Variants in LEKR1 observed in about 807,000 individuals in gnomAD.
The protein encoded by LEKR1 is leucine, glutamate and lysine rich 1.
LEKR1 carries 59 observed loss-of-function variants against 72.4 expected under a neutral mutation model. That is an observed-to-expected ratio of 0.82 (90% CI 0.66 to 1.01). LEKR1 has a LOEUF of 1.01. Ranked by LOEUF, LEKR1 falls within the 50% of genes least tolerant of loss-of-function variation. LEKR1 has a pLI of 0.00. For missense variants in LEKR1, 728 were observed against 759.2 expected (o/e 0.96, Z 0.48); for synonymous variants, 257 against 263.2 (o/e 0.98, Z 0.23).
intron 6 of LEKR1, among the ~76,000 whole-genome samples, chr3:156,956,909 C>G (rs1340882761): frequency 6.6e-6 from 1 of 151,930 alleles, no homozygotes; most frequent in Admixed American, 6.6e-5. Context: ...ATAATAAACA[C>G]AAAATGTTCA....
chr3:156,848,699 C>T (rs1714935788), intron 2 of LEKR1, among the ~76,000 whole-genome samples: 1 of 152,076 alleles, frequency 6.6e-6, no homozygotes, highest in African/African-American at 2.4e-5. Flanking sequence ...TGTGATATGA[C>T]ATGCTGTGGA....
Position 156,993,761 on chromosome 3 carries a change from A to T in LEKR1, c.1109+484A>T, listed in dbSNP as rs556981739. Among the ~76,000 whole-genome samples, 6 of 152,310 alleles carry T rather than the reference A, an allele frequency of 3.9e-5. No homozygotes were observed. In the South Asian group the frequency reaches 1.2e-3, roughly 32 times the overall value. ...GATACCTCCTTAGGTGGTATCGAGG[A>T]TACTAAGAAGTACATTGGTCCAGGC... On this transcript the variant is annotated intron_variant, in intron 9 of 12. Transcript: ENST00000356539.
chr3:156,834,558 A>G (rs190803249), intron 2 of LEKR1, among the ~76,000 whole-genome samples: 1 of 152,156 alleles, frequency 6.6e-6, no homozygotes, highest in Non-Finnish European at 1.5e-5. Flanking sequence ...ACTCTTAGTC[A>G]CTTTTATTTC....
At chr3:156,878,447 T>C (rs182005948) in intron 3 of LEKR1, among the ~76,000 whole-genome samples, 11 of 152,342 alleles carry the variant, frequency 7.2e-5, no homozygotes, top group African/African-American at 2.6e-4. Flanking sequence ...AGCATTCCTT[T>C]TCAAGTTAAT....
At chr3:156,896,427 A>T (rs554015254) in intron 3 of LEKR1, among the ~76,000 whole-genome samples, 2 of 152,048 alleles carry the variant, frequency 1.3e-5, no homozygotes, top group African/African-American at 4.8e-5. Flanking sequence ...AAGCAGATAC[A>T]CATGTGGCCA....
chr3:157,043,404 A>G (rs1324540420), intron 12 of LEKR1, among the ~76,000 whole-genome samples: 1 of 152,054 alleles, frequency 6.6e-6, no homozygotes, highest in Non-Finnish European at 1.5e-5. Context: ...ACTTTGATTA[A>G]TAGAACTTAG....
In LEKR1 at chr3:156,857,440, C is replaced by T. The variant is rs1343293965; in HGVS notation, c.263+4458C>T. Among the ~76,000 whole-genome samples, 2 of 152,108 alleles carry T rather than the reference C, an allele frequency of 1.3e-5. 1 individual carries two copies. Among genetic ancestry groups the T allele is most frequent in the South Asian group, 4.1e-4 (2 of 4,822 alleles). On this transcript the variant is annotated intron_variant, in intron 3 of 12. Coordinates refer to ENST00000356539, the MANE Select transcript of LEKR1 (RefSeq NM_001004316.3). ...TAAGTGGAAAAACACTTATCACTTGCCATAAATAGAAGATTTAAAAAATAA... is the reference window on the plus strand; with the variant it reads ...TAAGTGGAAAAACACTTATCACTTGTCATAAATAGAAGATTTAAAAAATAA...
intron 9 of LEKR1, among the ~76,000 whole-genome samples, chr3:157,010,153 C>T (rs1454657644): frequency 6.6e-6 from 1 of 151,822 alleles, no homozygotes; most frequent in Non-Finnish European, 1.5e-5. Flanking sequence ...TTATTGATCT[C>T]AAAGAAACAA....
At chr3:156,923,926 A>G (rs1724455891) in intron 4 of LEKR1, among the ~76,000 whole-genome samples, 2 of 152,050 alleles carry the variant, frequency 1.3e-5, no homozygotes, top group African/African-American at 4.8e-5. Context: ...ATGGGATTTC[A>G]CCGTGTTAGC....
intron 3 of LEKR1, among the ~76,000 whole-genome samples, chr3:156,879,379 G>T (rs572682571): frequency 6.6e-6 from 1 of 152,080 alleles, no homozygotes; most frequent in Non-Finnish European, 1.5e-5. Context: ...TGAACTTCAG[G>T]GATATGATTT....
At position 156,906,380 on chromosome 3, in the gene LEKR1, A is replaced by G. The variant is rs561225752; in HGVS notation, c.264-14195A>G. ...AAGGATAATAAATGTACTTGTTCTC[A>G]TGGTTGCATTGGCAAGAGGATTATA... On this transcript the variant is annotated intron_variant, in intron 3 of 12. Transcript: ENST00000356539. 2.0e-5 allele frequency among the ~76,000 whole-genome samples: 3 copies of G among 152,198 alleles called. No homozygotes were observed. The South Asian group carries it at 6.2e-4, about 31-fold the overall frequency.
At chr3:156,869,847 A>C (rs1717719936) in intron 3 of LEKR1, among the ~76,000 whole-genome samples, 14 of 151,982 alleles carry the variant, frequency 9.2e-5, no homozygotes, top group Admixed American at 9.2e-4. Context: ...GGGGTCTTAC[A>C]CTTAAGTCTT....
intron 3 of LEKR1, among the ~76,000 whole-genome samples, chr3:156,883,260 G>T (rs1719674115): frequency 6.6e-6 from 1 of 152,038 alleles, no homozygotes. Flanking sequence ...TTCCCCATTT[G>T]GAATGGGTGT....
intron 11 of LEKR1, among the ~76,000 whole-genome samples, chr3:157,025,871 A>AG (rs1248272336): frequency 2.0e-5 from 3 of 151,122 alleles, no homozygotes; most frequent in Admixed American, 2.0e-4. Context: ...TAAAAAAAAA[A>AG]AAGACTTAAT....
intron 3 of LEKR1, among the ~76,000 whole-genome samples, chr3:156,875,296 T>A (rs761024423): frequency 1.2e-4 from 19 of 152,314 alleles, no homozygotes; most frequent in Non-Finnish European, 1.6e-4. Context: ...AGCATTTTTT[T>A]ATGTTTATTG....
At chr3:156,846,756 G>C (rs1326651923) in intron 2 of LEKR1, among the ~76,000 whole-genome samples, 1 of 152,108 alleles carries the variant, frequency 6.6e-6, no homozygotes, top group Admixed American at 6.6e-5. Context: ...CCTTGTCTAA[G>C]CACAAAAAGC....
chr3:156,912,605 G>A (rs577826981), intron 3 of LEKR1, among the ~76,000 whole-genome samples: 5 of 152,258 alleles, frequency 3.3e-5, no homozygotes, highest in African/African-American at 9.6e-5. Flanking sequence ...TCCCACTCAC[G>A]CCTGGGTTCT....
chr3:156,889,326 A>G (rs1366372633), intron 3 of LEKR1, among the ~76,000 whole-genome samples: 2 of 150,386 alleles, frequency 1.3e-5, no homozygotes, highest in African/African-American at 4.9e-5. Context: ...AGCAGCAACC[A>G]CCCTGTACCT....
At chr3:156,964,860 C>T (rs1456524499) in intron 6 of LEKR1, among the ~76,000 whole-genome samples, 1 of 152,120 alleles carries the variant, frequency 6.6e-6, no homozygotes, top group Non-Finnish European at 1.5e-5. Context: ...TATTTTTAGA[C>T]CTAAACTTCT....
Sources: allele counts gnomAD v4.1 joint callset (sites outside exome capture counted in the v4.1 genomes callset), GRCh38; gene constraint gnomAD v4.1.1; transcripts MANE v1.5; gene names NCBI Gene and HGNC (gene_info 2026-07-23, HGNC 2026-07-21).